Variants in GXYLT1 observed in about 807,000 individuals in gnomAD.
GXYLT1 encodes glycosyltransferase 8 domain containing 3.
Under a neutral mutation model 54.0 loss-of-function variants are expected in GXYLT1, and 29 were observed. The observed-to-expected ratio is 0.54, with a 90% confidence interval of 0.40 to 0.73. The LOEUF (loss-of-function observed/expected upper bound fraction) is 0.73, where lower values mean the gene tolerates loss of function less well. GXYLT1 is among the 30% of genes least tolerant of loss of function. The pLI is 0.00. For missense variants in GXYLT1, 490 were observed against 553.4 expected (o/e 0.89, Z 1.15); for synonymous variants, 176 against 204.1 (o/e 0.86, Z 1.17).
intron 2 of GXYLT1, among the ~76,000 whole-genome samples, chr12:42,129,279 G>C (rs535696331): frequency 6.6e-6 from 1 of 152,274 alleles, no homozygotes; most frequent in South Asian, 2.1e-4. Flanking sequence ...GTAGCCAGGA[G>C]CTGCTCCTCC....
intron 2 of GXYLT1, among the ~76,000 whole-genome samples, chr12:42,121,270 T>C (rs1485466715): frequency 1.3e-5 from 2 of 152,216 alleles, no homozygotes; most frequent in Non-Finnish European, 2.9e-5. Context: ...TAAGGCATAA[T>C]AGTCATATGC....
chr12:42,144,668 TCGCCGC>T lies in GXYLT1; in HGVS notation c.-28_-23del. The stretch of plus-strand genomic sequence containing the variant: ...GCATCGCCCCGGCCGCGCTCCTCCT[TCGCCGC>T]CGCCGCCGCGCCCGCCCCGACGAAC... On this transcript the variant is annotated 5_prime_UTR_variant, in exon 1 of 8. Transcript: ENST00000398675. 2.2e-6 allele frequency: 3 copies of T among 1,380,314 alleles called. No individual in the cohort carries two copies. The highest frequency in any genetic ancestry group is 2.8e-6 in the Non-Finnish European group (3 of 1,056,848). 85.5% of individuals were successfully genotyped at this position (1,380,314 alleles called of 1,614,324 possible).
chr12:42,119,961 T>G (rs2065520799), intron 2 of GXYLT1, among the ~76,000 whole-genome samples: 1 of 152,150 alleles, frequency 6.6e-6, no homozygotes, highest in Non-Finnish European at 1.5e-5. Context: ...AAATGACAAC[T>G]TTCTCAATTC....
At chr12:42,106,958 G>C (rs1336852572) in intron 4 of GXYLT1, among the ~76,000 whole-genome samples, 3 of 151,862 alleles carry the variant, frequency 2.0e-5, no homozygotes, top group Non-Finnish European at 4.4e-5. Context: ...TCTTGGCCAA[G>C]CTGGTCTTAA....
rs145868288 is a variant in GXYLT1 at position 42,111,972 on chromosome 12, G to T, written c.487-2281C>A. On this transcript the variant is annotated intron_variant, in intron 3 of 7. Coordinates refer to ENST00000398675, the MANE Select transcript of GXYLT1 (RefSeq NM_173601.2). ...GGAACCATCAGGCAGCAGCATTTGC[G>T]GTTCACCAATATCTGCTGTTCTGCA... Among the ~76,000 whole-genome samples, 826 of 152,274 alleles carry T rather than the reference G, an allele frequency of 5.4e-3. 5 individuals carry two copies. Among genetic ancestry groups the T allele is most frequent in the African/African-American group, 0.019 (774 of 41,564 alleles).
intron 3 of GXYLT1, among the ~76,000 whole-genome samples, chr12:42,111,541 C>G (rs1261232711): frequency 2.0e-5 from 3 of 152,234 alleles, no homozygotes; most frequent in African/African-American, 7.2e-5. Context: ...GCTAGCACAG[C>G]AGTCCGAGAT....
At chr12:42,101,699 G>GT (rs1403720165) in intron 5 of GXYLT1, among the ~76,000 whole-genome samples, 1 of 151,756 alleles carries the variant, frequency 6.6e-6, no homozygotes, top group Non-Finnish European at 1.5e-5. Context: ...AGGCTCCCGA[G>GT]TAGCTGGAAT....
intron 2 of GXYLT1, among the ~76,000 whole-genome samples, chr12:42,124,674 T>TA (rs1258099550): frequency 6.6e-6 from 1 of 152,232 alleles, no homozygotes; most frequent in Admixed American, 6.5e-5. Context: ...ATATAATTTT[T>TA]AAAACACAAT....
intron 3 of GXYLT1, among the ~76,000 whole-genome samples, chr12:42,115,989 A>G (rs1255002684): frequency 6.6e-6 from 1 of 151,274 alleles, no homozygotes; most frequent in Non-Finnish European, 1.5e-5. Context: ...ATCTATAACT[A>G]TCTGATCTTT....
At chr12:42,110,234 T>C (rs1224388939) in intron 3 of GXYLT1, among the ~76,000 whole-genome samples, 1 of 152,176 alleles carries the variant, frequency 6.6e-6, no homozygotes, top group Non-Finnish European at 1.5e-5. Flanking sequence ...GCAAAATGTA[T>C]CTGAAAATCT....
intron 2 of GXYLT1, among the ~76,000 whole-genome samples, chr12:42,124,013 A>G (rs1233270999): frequency 6.6e-6 from 1 of 151,772 alleles, no homozygotes; most frequent in African/African-American, 2.4e-5. Flanking sequence ...CATGAGTTAC[A>G]TATAAAACAC....
At chr12:42,099,190 A>G (rs959875091) in intron 5 of GXYLT1, among the ~76,000 whole-genome samples, 2 of 152,180 alleles carry the variant, frequency 1.3e-5, no homozygotes, top group African/African-American at 4.8e-5. Flanking sequence ...TATCAGAATT[A>G]CAACCCTGCT....
At position 42,097,965 on chromosome 12, in the gene GXYLT1, T is replaced by C. The variant is rs577313435; in HGVS notation, c.933A>G (p.Leu311=). Residue 311 remains leucine, a synonymous_variant, in exon 6 of 8, where the codon CTA becomes CTG. Coordinates refer to ENST00000398675, the MANE Select transcript of GXYLT1 (RefSeq NM_173601.2). The stretch of plus-strand genomic sequence containing the variant: ...GATCTTGATCACCCCATGTGATGTT[T>C]AGTTTGTATTTTTTAAGCAATGGCA... The part of the protein sequence containing the change: ...ILMPLLKKYK[L]NITWGDQDLL... The C allele has an allele frequency of 6.2e-7, 1 of 1,603,896 alleles. No individual in the cohort carries two copies. The highest frequency in any genetic ancestry group is 1.7e-5 in the Admixed American group (1 of 59,770).
intron 1 of GXYLT1, among the ~76,000 whole-genome samples, chr12:42,134,947 T>C (rs758189692): frequency 3.9e-5 from 6 of 152,226 alleles, no homozygotes; most frequent in Non-Finnish European, 8.8e-5. Flanking sequence ...TCTATTTGTG[T>C]AGTAGACTGT....
chr12:42,112,994 A>G (rs181598914), intron 3 of GXYLT1, among the ~76,000 whole-genome samples: 4 of 151,370 alleles, frequency 2.6e-5, no homozygotes, highest in African/African-American at 9.8e-5. Flanking sequence ...CTTAAAGAAA[A>G]GTATTTTCAA....
intron 1 of GXYLT1, among the ~76,000 whole-genome samples, chr12:42,136,578 T>C (rs1460418573): frequency 6.6e-6 from 1 of 152,184 alleles, no homozygotes; most frequent in Non-Finnish European, 1.5e-5. Context: ...AGGTAGCTTG[T>C]CTACAACTGA....
intron 3 of GXYLT1, among the ~76,000 whole-genome samples, chr12:42,110,435 CTT>C (rs1456046472): frequency 6.6e-6 from 1 of 152,176 alleles, no homozygotes; most frequent in Non-Finnish European, 1.5e-5. Context: ...AATAAAATCT[CTT>C]TTGAATTATG....
chr12:42,121,772 G>A (rs542055390), intron 2 of GXYLT1, among the ~76,000 whole-genome samples: 14 of 151,996 alleles, frequency 9.2e-5, no homozygotes, highest in Admixed American at 9.2e-4. Flanking sequence ...CAGGAGTACT[G>A]TCAACTACAT....
At chr12:42,105,573 T>C (rs1438820721) in intron 5 of GXYLT1, among the ~76,000 whole-genome samples, 1 of 152,180 alleles carries the variant, frequency 6.6e-6, no homozygotes, top group East Asian at 1.9e-4. Flanking sequence ...GTTCACTACT[T>C]AGGGCATTGT....
Sources: gnomAD v4.1 joint callset for allele counts (sites outside exome capture counted in the v4.1 genomes callset) on GRCh38, gnomAD v4.1.1 for gene constraint, MANE v1.5 for transcripts, NCBI Gene and HGNC (gene_info 2026-07-23, HGNC 2026-07-21) for gene names.